The following MYO9A variants were observed in gnomAD, a reference collection of about 807,000 sequenced individuals.
MYO9A encodes myosin IXA.
In MYO9A, 103 loss-of-function variants were observed where a neutral mutation model predicts 293.3. The observed-to-expected ratio is 0.35, with a 90% CI of 0.30 to 0.41. The LOEUF (loss-of-function observed/expected upper bound fraction) is 0.41, where lower values mean the gene tolerates loss of function less well. Ranked by LOEUF, MYO9A falls within the 10% of genes least tolerant of loss-of-function variation. MYO9A has a pLI of 1.00. For missense variants in MYO9A, 2,685 were observed against 3,033.0 expected (o/e 0.89, Z 2.69); for synonymous variants, 1,001 against 1,035.7 (o/e 0.97, Z 0.64).
chr15:71,869,048 T>C (rs1043901653), intron 32 of MYO9A, among the ~76,000 whole-genome samples: 2 of 146,832 alleles, frequency 1.4e-5, no homozygotes, highest in African/African-American at 2.6e-5. Context: ...AACTAATAAA[T>C]GTAGAATGAC....
chr15:72,046,701 AAAGCTT>A, intron 1 of MYO9A, 67 bp from the exon 2 acceptor site: 2 of 1,063,798 alleles, frequency 1.9e-6, no homozygotes, highest in Non-Finnish European at 2.6e-6. Context: ...TCAAGAAAGA[AAAGCTT>A]AACAAGCATG....
intron 15 of MYO9A, among the ~76,000 whole-genome samples, chr15:71,947,443 T>C (rs74022484): frequency 2.6e-5 from 4 of 152,196 alleles, no homozygotes; most frequent in African/African-American, 9.7e-5. Flanking sequence ...TTCTCCTAAG[T>C]ACTTCTTTAT....
Position 71,965,542 on chromosome 15 carries a change from T to A in MYO9A, c.1986+2442A>T, listed in dbSNP as rs1019701627. 3.3e-5 allele frequency among the ~76,000 whole-genome samples: 5 copies of A among 152,142 alleles called. No homozygotes were observed. The East Asian group carries it at 9.7e-4, about 29-fold the overall frequency. On this transcript the variant is annotated intron_variant, in intron 13 of 41. Coordinates refer to ENST00000356056, the MANE Select transcript of MYO9A (RefSeq NM_006901.4). ...GGGTGGATCAACTGAGGTCAGATGT[T>A]CGAGACCAGCCTGGCCAACATAGTG...
chr15:71,903,020 A>G lies in MYO9A; in HGVS notation c.2921T>C (p.Ile974Thr). The G allele has an allele frequency of 6.3e-7, 1 of 1,590,990 alleles. No individual in the cohort carries two copies. The highest frequency in any genetic ancestry group is 1.1e-5 in the South Asian group (1 of 88,042). ...ATCCTGAATGTTAAATTTGGATGGA[A>G]TAATATTTCGGGGAAGAAGTACATG... is the stretch of plus-strand genomic sequence containing the variant. ...HFHVLLPRNI[I>T]PSKFNIQDFF... Residue 974 changes from isoleucine (I) to threonine (T), a missense_variant, in exon 22 of 42, where the codon ATT becomes ACT. Ile to Thr is a moderately conservative substitution (Grantham distance 89). This residue lies in a region of MYO9A where 1,434 missense variants were observed against 1,497.7 expected (regional missense o/e 0.96). Transcript: ENST00000356056.
chr15:72,028,715 A>T (rs1245958747), intron 3 of MYO9A, among the ~76,000 whole-genome samples: 4 of 3,634 alleles, frequency 1.1e-3, no homozygotes, highest in African/African-American at 1.2e-3. Context: ...CATTATTTCT[A>T]GGCTATATAC....
chr15:71,913,513 T>C (rs1046422602), intron 19 of MYO9A, among the ~76,000 whole-genome samples: 6 of 152,354 alleles, frequency 3.9e-5, no homozygotes, highest in East Asian at 1.9e-4. Context: ...ATTTAAAAGA[T>C]ACATTATAGC....
chr15:71,849,959 TG>T, intron 38 of MYO9A, 76 bp downstream of exon 38: 1 of 1,539,582 alleles, frequency 6.5e-7, no homozygotes, highest in Admixed American at 1.7e-5. Flanking sequence ...CCATTCACTA[TG>T]TTTGATATCT....
chr15:72,036,594 C>G (rs1040742101), intron 2 of MYO9A: 1 of 152,078 alleles, frequency 6.6e-6, no homozygotes, highest in Non-Finnish European at 1.5e-5. Flanking sequence ...CCTGAAGAAT[C>G]AGAACAGGGA....
intron 16 of MYO9A, among the ~76,000 whole-genome samples, chr15:71,937,596 A>G (rs1454692529): frequency 1.3e-5 from 2 of 152,190 alleles, no homozygotes; most frequent in Non-Finnish European, 1.5e-5. Context: ...TTTTATATGC[A>G]CTGGGAAACC....
chr15:71,854,445 G>A lies in MYO9A; in HGVS notation c.6278C>T (p.Thr2093Ile). Residue 2093 changes from threonine (T) to isoleucine (I), a missense_variant, in exon 35 of 42, where the codon ACA becomes ATA. By Grantham distance (89) the Thr-to-Ile change is moderately conservative. Transcript: ENST00000356056. ...ACCAGACTTTCGATAAATACCTTCT[G>A]TATACAGTCCATGCATTTCAATGTA... Reference protein sequence around the residue: ...INYIEMHGLYTEGIYRKSGST... With the variant: ...INYIEMHGLYIEGIYRKSGST... 1 of 1,613,124 alleles carries A rather than the reference G, an allele frequency of 6.2e-7. No homozygotes were observed. Among genetic ancestry groups the A allele is most frequent in the Non-Finnish European group, 8.5e-7 (1 of 1,179,500 alleles).
chr15:71,991,349 GA>G, intron 10 of MYO9A, 112 bp from the exon 11 acceptor site: 1 of 758,674 alleles, frequency 1.3e-6, no homozygotes, highest in Non-Finnish European at 2.0e-6. Context: ...GTGTACAGGG[GA>G]TTGTGTTTGG....
At chr15:72,027,040 ACT>A (rs2077695659) in intron 4 of MYO9A, among the ~76,000 whole-genome samples, 1 of 152,078 alleles carries the variant, frequency 6.6e-6, no homozygotes, top group Non-Finnish European at 1.5e-5. Flanking sequence ...TCCTTCACAA[ACT>A]CTTCTAGAGA....
intron 39 of MYO9A, among the ~76,000 whole-genome samples, chr15:71,846,795 G>A (rs780664866): frequency 4.6e-5 from 7 of 152,022 alleles, no homozygotes; most frequent in Non-Finnish European, 1.0e-4. Context: ...CAATGGAACT[G>A]AAGAGGGATA....
chr15:72,034,864 C>T (rs1234049297), intron 2 of MYO9A, among the ~76,000 whole-genome samples: 2 of 152,220 alleles, frequency 1.3e-5, no homozygotes, highest in African/African-American at 4.8e-5. Flanking sequence ...AACAGCAAAT[C>T]AGAAGCTTTA....
upstream of MYO9A, chr15:72,118,191 C>G: frequency 2.8e-6 from 1 of 360,746 alleles, no homozygotes; most frequent in Non-Finnish European, 5.0e-6. Flanking sequence ...CGGGTCGGCC[C>G]CGCCCTGTCC....
At chr15:71,933,641 A>G in intron 18 of MYO9A, 29 bp downstream of exon 18, 2 of 1,591,256 alleles carry the variant, frequency 1.3e-6, no homozygotes, top group Non-Finnish European at 1.7e-6. Flanking sequence ...GCAGAATACC[A>G]ATACAAAAAA....
intron 14 of MYO9A, among the ~76,000 whole-genome samples, chr15:71,954,562 C>G (rs1444714375): frequency 6.6e-6 from 1 of 152,202 alleles, no homozygotes; most frequent in Non-Finnish European, 1.5e-5. Context: ...AGTTGCTGGA[C>G]TGGTTGTGAT....
rs2057383644 is a variant in MYO9A at position 71,898,132 on chromosome 15, C to T, written c.4371G>A (p.Leu1457=). Residue 1457 remains leucine (L), a synonymous_variant, in exon 25 of 42, where the codon TTG becomes TTA. Coordinates refer to ENST00000356056, the MANE Select transcript of MYO9A (RefSeq NM_006901.4). ...ACCTTCTAGTTTCCCTGTTGATATC[C>T]AAAGTAAGAGCTTCCCCCGCTGTGT... is the stretch of plus-strand genomic sequence containing the variant. ...NEDTAGEALT[L]DINRETRRYH... 6.2e-7 allele frequency: 1 copy of T among 1,613,972 alleles called. No individual in the cohort carries two copies. Among genetic ancestry groups the T allele is most frequent in the Non-Finnish European group, 8.5e-7 (1 of 1,180,040 alleles).
At chr15:71,910,168 G>GTGTGTATATATATA (rs56277057) in intron 19 of MYO9A, among the ~76,000 whole-genome samples, 2 of 128,316 alleles carry the variant, frequency 1.6e-5, no homozygotes, top group African/African-American at 5.8e-5. Context: ...ATATATACGT[G>GTGTGTATATATATA]TATATATATA....
Sources: allele counts gnomAD v4.1 joint callset (sites outside exome capture counted in the v4.1 genomes callset), GRCh38; gene constraint gnomAD v4.1.1; regional missense constraint gnomAD v4.1.1; transcripts MANE v1.5; gene names NCBI Gene and HGNC (gene_info 2026-07-23, HGNC 2026-07-21).